The following KCNG3 variants were observed in gnomAD, a reference collection of about 807,000 sequenced individuals.
KCNG3 encodes the protein voltage-gated potassium channel regulatory subunit KCNG3.
Under a neutral mutation model 29.0 loss-of-function variants are expected in KCNG3, and 15 were observed. That is an observed-to-expected ratio of 0.52 (90% CI 0.35 to 0.80). KCNG3 has a LOEUF of 0.80. Ranked by LOEUF, KCNG3 falls within the 30% of genes least tolerant of loss-of-function variation. The pLI is 0.01. For missense variants in KCNG3, 512 were observed against 605.7 expected, an observed-to-expected ratio of 0.85 and a Z score of 1.62; for synonymous variants, 322 against 248.9, an observed-to-expected ratio of 1.29 and a Z score of -2.76.
chr2:42,425,078 G>C, the KCNG3 span: 1 of 152,192 alleles, frequency 6.6e-6, no homozygotes, highest in African/African-American at 2.4e-5. Context: ...GGATGCAACC[G>C]CCATGCTGTT....
the KCNG3 span, among the ~76,000 whole-genome samples, chr2:42,421,677 G>A: frequency 6.6e-6 from 1 of 152,118 alleles, no homozygotes; most frequent in African/African-American, 2.4e-5. Flanking sequence ...TAGTCACTAG[G>A]AGTTGCAAAT....
intron 1 of KCNG3, among the ~76,000 whole-genome samples, chr2:42,476,088 A>C (rs1673417936): frequency 6.6e-6 from 1 of 152,186 alleles, no homozygotes; most frequent in African/African-American, 2.4e-5. Flanking sequence ...TAATTAATAA[A>C]ACATTAAAAT....
chr2:42,413,529 C>G, the KCNG3 span, among the ~76,000 whole-genome samples: 2 of 151,962 alleles, frequency 1.3e-5, no homozygotes, highest in South Asian at 4.2e-4. Context: ...GTTATATATT[C>G]TATTTCTAGT....
chr2:42,389,522 G>C, the KCNG3 span, among the ~76,000 whole-genome samples: 1 of 152,098 alleles, frequency 6.6e-6, no homozygotes, highest in Non-Finnish European at 1.5e-5. Context: ...GCTCCCAGTA[G>C]TAACAAATAA....
Position 42,493,048 on chromosome 2 carries a change from G to A in KCNG3, c.454C>T (p.Arg152Cys). The A allele has an allele frequency of 6.6e-7, 1 of 1,523,008 alleles. No individual in the cohort carries two copies. Among genetic ancestry groups the A allele is most frequent in the Non-Finnish European group, 8.8e-7 (1 of 1,140,068 alleles). 94.3% of individuals were successfully genotyped at this position (1,523,008 alleles called of 1,614,324 possible). Reference sequence around the variant, plus strand: ...GTCCGCCGCATGCGCTCCAGCCAGCGCCTGGAGGGAGCCGCCTCGGCCCCG... The same window carrying A: ...GTCCGCCGCATGCGCTCCAGCCAGCACCTGGAGGGAGCCGCCTCGGCCCCG... ...PGGAEAAPSR[R>C]WLERMRRTFE... Residue 152 changes from arginine (R) to cysteine (C), a missense_variant, in exon 1 of 2, where the codon CGC becomes TGC. Around this residue, in one of 5 missense-constraint regions of KCNG3, gnomAD observed 228 missense variants for 200.0 expected, o/e 1.14. Coordinates refer to ENST00000306078, the MANE Select transcript of KCNG3 (RefSeq NM_133329.6).
chr2:42,394,628 C>A, the KCNG3 span, among the ~76,000 whole-genome samples: 1 of 152,338 alleles, frequency 6.6e-6, no homozygotes, highest in Non-Finnish European at 1.5e-5. Context: ...AAATGCATAT[C>A]TGACTGCCTC....
chr2:42,456,172 A>G (rs78508548), intron 1 of KCNG3, among the ~76,000 whole-genome samples: 1,582 of 152,278 alleles, frequency 0.01, 24 homozygotes, highest in African/African-American at 0.036. Context: ...AGCCATAAAT[A>G]TTGAATCATC....
chr2:42,450,034 A>T (rs1672711093), intron 1 of KCNG3, among the ~76,000 whole-genome samples: 1 of 152,176 alleles, frequency 6.6e-6, no homozygotes, highest in Non-Finnish European at 1.5e-5. Flanking sequence ...CATGGATCTT[A>T]TAAGGACCTT....
rs1341633520 is a variant in KCNG3, at chr2:42,493,065, T to A, written c.437A>T (p.Glu146Val). 4.6e-6 allele frequency: 7 copies of A among 1,536,332 alleles called. No homozygotes were observed. Among genetic ancestry groups the A allele is most frequent in the Non-Finnish European group, 5.2e-6 (6 of 1,145,438 alleles). The change falls in exon 1 of 2, where the codon GAG (glutamate) becomes GTG (valine). Residue 146 changes from glutamate (E) to valine (V), a missense_variant. Coordinates refer to ENST00000306078, the MANE Select transcript of KCNG3 (RefSeq NM_133329.6). ...CAGCCAGCGCCTGGAGGGAGCCGCC[T>A]CGGCCCCGCCGGGGCGCGCCTCGTC... ...GRDEARPGGA[E>V]AAPSRRWLER...
downstream of KCNG3, chr2:42,440,428 C>G (rs1406939005): frequency 6.6e-6 from 1 of 150,590 alleles, no homozygotes; most frequent in Non-Finnish European, 1.5e-5. Flanking sequence ...GAAATTCTAT[C>G]CTGAGGCTTT....
At position 42,455,022 on chromosome 2, in the gene KCNG3, T is replaced by C. The variant is rs142930631; in HGVS notation, c.666-10443A>G. Among the ~76,000 whole-genome samples, 1,354 of 152,308 alleles carry C rather than the reference T, an allele frequency of 8.9e-3. 18 individuals carry two copies. Among genetic ancestry groups the C allele is most frequent in the African/African-American group, 0.026 (1,076 of 41,570 alleles). ...CACTACTAAATGGTATACTTAAAAA[T>C]TGTTAAGATGGTAAATTTTATATTA... On this transcript the variant is annotated intron_variant, in intron 1 of 1. Transcript: ENST00000306078.
the KCNG3 span, among the ~76,000 whole-genome samples, chr2:42,411,026 T>C: frequency 6.6e-6 from 1 of 152,230 alleles, no homozygotes; most frequent in African/African-American, 2.4e-5. Context: ...ACTGTTTCAA[T>C]ACAATTTATT....
At chr2:42,463,922 A>G (rs1673080879) in intron 1 of KCNG3, 1 of 325,316 alleles carries the variant, frequency 3.1e-6, no homozygotes, top group Admixed American at 3.7e-5. Flanking sequence ...AGTTTTATTA[A>G]GCCTAATCCA....
chr2:42,465,356 A>G (rs1673117623), intron 1 of KCNG3, among the ~76,000 whole-genome samples: 1 of 151,996 alleles, frequency 6.6e-6, no homozygotes, highest in Non-Finnish European at 1.5e-5. Context: ...AGCTCGGACT[A>G]CAGGTGTGCA....
chr2:42,448,823 A>G (rs999870818), intron 1 of KCNG3, among the ~76,000 whole-genome samples: 9 of 152,252 alleles, frequency 5.9e-5, no homozygotes, highest in African/African-American at 2.2e-4. Flanking sequence ...CTAAAAATAC[A>G]AGAAATTAGC....
the KCNG3 span, among the ~76,000 whole-genome samples, chr2:42,391,059 C>T: frequency 6.6e-6 from 1 of 152,160 alleles, no homozygotes; most frequent in East Asian, 1.9e-4. Context: ...TTCTGGAGAG[C>T]GCTGCTGTGA....
chr2:42,428,723 C>T, the KCNG3 span, among the ~76,000 whole-genome samples: 2 of 152,098 alleles, frequency 1.3e-5, no homozygotes, highest in African/African-American at 4.8e-5. Context: ...AACATTAAAA[C>T]AGCTGCATAC....
chr2:42,403,760 T>C, the KCNG3 span, among the ~76,000 whole-genome samples: 24,110 of 151,532 alleles, frequency 0.16, 2,028 homozygotes, highest in African/African-American at 0.22. Flanking sequence ...CCACCGTGCC[T>C]GGCCTAATTT....
the KCNG3 span, among the ~76,000 whole-genome samples, chr2:42,419,008 C>G: frequency 6.6e-6 from 1 of 152,016 alleles, no homozygotes; most frequent in Non-Finnish European, 1.5e-5. Flanking sequence ...GCACTGCATT[C>G]TCTGAGTCTA....
Sources: gnomAD v4.1 joint callset for allele counts (sites outside exome capture counted in the v4.1 genomes callset) on GRCh38, gnomAD v4.1.1 for gene constraint, gnomAD v4.1.1 regional missense constraint, MANE v1.5 for transcripts, NCBI Gene and HGNC (gene_info 2026-07-23, HGNC 2026-07-21) for gene names.